Variants in SFMBT2 observed in about 807,000 individuals in gnomAD.
SFMBT2 encodes scm-like with four MBT domains protein 2.
In SFMBT2, 38 loss-of-function variants were observed where a neutral mutation model predicts 110.1. The observed-to-expected ratio is 0.35, with a 90% CI of 0.27 to 0.45. The LOEUF (loss-of-function observed/expected upper bound fraction) is 0.45. Among genes scored for constraint, SFMBT2 ranks in the 20% least tolerant of loss-of-function variants. SFMBT2 has a pLI of 1.00. For synonymous variants in SFMBT2, 425 were observed against 425.4 expected, an observed-to-expected ratio of 1.00 and a Z score of 0.01; for missense variants, 1,011 against 1,094.9, an observed-to-expected ratio of 0.92 and a Z score of 1.08.
chr10:7,251,803 T>C (rs1290306013), intron 7 of SFMBT2, among the ~76,000 whole-genome samples: 1 of 152,264 alleles, frequency 6.6e-6, no homozygotes, highest in East Asian at 1.9e-4. Flanking sequence ...CCTTTCCTCC[T>C]GCAGCCTGCC....
chr10:7,202,429 AC>A (rs775880801), intron 13 of SFMBT2, 50 bp downstream of exon 13: 33 of 1,611,368 alleles, frequency 2.0e-5, no homozygotes, highest in Non-Finnish European at 2.8e-5. Context: ...CCATAAAGAC[AC>A]TACAGTTTAT....
At chr10:7,261,534 G>A (rs148508832) in intron 7 of SFMBT2, among the ~76,000 whole-genome samples, 364 of 152,282 alleles carry the variant, frequency 2.4e-3, no homozygotes, top group African/African-American at 8.3e-3. Flanking sequence ...TCCCTTTGCC[G>A]GGTGGGGGTT....
At chr10:7,286,542 A>G (rs775681462) in intron 4 of SFMBT2, 1 of 161,268 alleles carries the variant, frequency 6.2e-6, no homozygotes, top group Non-Finnish European at 1.3e-5. Context: ...AATAAAATGC[A>G]TCTTTACTGA....
chr10:7,405,462 A>T (rs1007369004), intron 1 of SFMBT2, among the ~76,000 whole-genome samples: 1 of 152,198 alleles, frequency 6.6e-6, no homozygotes, highest in Admixed American at 6.5e-5. Flanking sequence ...AGATGAAAAC[A>T]CGACCCCATG....
At position 7,358,287 on chromosome 10, in the gene SFMBT2, A is replaced by G. The variant is rs566805810; in HGVS notation, c.436+9362T>C. Among the ~76,000 whole-genome samples, 5 of 150,578 alleles carry G rather than the reference A, an allele frequency of 3.3e-5. No homozygotes were observed. In the East Asian group the frequency reaches 9.8e-4, roughly 30 times the overall value. ...GGCCCTGTGACATCAACATGGCCCT[A>G]GAACATCTGCATGGCCATGGAACAT... On this transcript the variant is annotated intron_variant, in intron 4 of 20. Transcript: ENST00000397167.
intron 4 of SFMBT2, among the ~76,000 whole-genome samples, chr10:7,339,059 G>C (rs919390767): frequency 1.3e-5 from 2 of 152,046 alleles, no homozygotes; most frequent in South Asian, 2.1e-4. Flanking sequence ...GGCCAACACG[G>C]CAAAACCCCG....
intron 15 of SFMBT2, among the ~76,000 whole-genome samples, chr10:7,196,157 A>C (rs1202841374): frequency 1.3e-5 from 2 of 151,936 alleles, no homozygotes; most frequent in Non-Finnish European, 2.9e-5. Flanking sequence ...AGGGTGCCCT[A>C]TCCATAGATT....
chr10:7,324,665 G>A (rs938536662), intron 4 of SFMBT2, among the ~76,000 whole-genome samples: 4 of 152,334 alleles, frequency 2.6e-5, no homozygotes, highest in Admixed American at 2.6e-4. Context: ...CATCAGAAAA[G>A]CATAGACTGG....
chr10:7,273,871 C>A (rs1176670012), intron 7 of SFMBT2, among the ~76,000 whole-genome samples: 2 of 152,168 alleles, frequency 1.3e-5, no homozygotes, highest in Non-Finnish European at 2.9e-5. Context: ...GACAGTGTGG[C>A]GAGTCCTCAA....
chr10:7,287,445 AG>A (rs1436067178), intron 4 of SFMBT2: 1 of 244,022 alleles, frequency 4.1e-6, no homozygotes, highest in Non-Finnish European at 6.6e-6. Flanking sequence ...TTAGAACCCA[AG>A]ACCTGAGGAA....
At chr10:7,327,088 A>T (rs1164736225) in intron 4 of SFMBT2, among the ~76,000 whole-genome samples, 1 of 143,974 alleles carries the variant, frequency 6.9e-6, no homozygotes, top group African/African-American at 2.6e-5. Context: ...CCTTCATGTC[A>T]CTCTAATTTG....
intron 11 of SFMBT2, among the ~76,000 whole-genome samples, chr10:7,216,078 G>C (rs1008634830): frequency 6.6e-6 from 1 of 152,186 alleles, no homozygotes; most frequent in East Asian, 1.9e-4. Context: ...TTTTAGAAAT[G>C]GGGAAACCAG....
At chr10:7,210,934 G>A (rs1225340442) in intron 11 of SFMBT2, among the ~76,000 whole-genome samples, 1 of 152,082 alleles carries the variant, frequency 6.6e-6, no homozygotes, top group Non-Finnish European at 1.5e-5. Flanking sequence ...GGTGTGGGGA[G>A]GGGAGAGAGG....
At chr10:7,353,437 C>T (rs1024536164) in intron 4 of SFMBT2, among the ~76,000 whole-genome samples, 5 of 148,536 alleles carry the variant, frequency 3.4e-5, no homozygotes. Context: ...AGCAAATGCT[C>T]AATTATGATA....
chr10:7,256,253 C>T (rs538415806), intron 7 of SFMBT2, among the ~76,000 whole-genome samples: 18 of 152,210 alleles, frequency 1.2e-4, no homozygotes, highest in African/African-American at 3.1e-4. Flanking sequence ...TAACAGACCA[C>T]GGAACAAAGA....
intron 16 of SFMBT2, among the ~76,000 whole-genome samples, chr10:7,186,765 T>C (rs1299456627): frequency 3.3e-5 from 5 of 152,154 alleles, no homozygotes; most frequent in Non-Finnish European, 5.9e-5. Context: ...TCTAAAAAGT[T>C]GTCATTTCAC....
At chr10:7,399,921 C>T (rs998618248) in intron 1 of SFMBT2, among the ~76,000 whole-genome samples, 8 of 152,170 alleles carry the variant, frequency 5.3e-5, no homozygotes, top group African/African-American at 1.9e-4. Flanking sequence ...GGAACAGAGA[C>T]TGAAAGAAGG....
At chr10:7,390,622 A>G (rs1335868640) in intron 1 of SFMBT2, among the ~76,000 whole-genome samples, 2 of 152,236 alleles carry the variant, frequency 1.3e-5, no homozygotes, top group African/African-American at 2.4e-5. Context: ...CTATAAAGAA[A>G]AAAAAGTCCA....
At chr10:7,216,125 G>A (rs1236770680) in intron 11 of SFMBT2, among the ~76,000 whole-genome samples, 1 of 152,244 alleles carries the variant, frequency 6.6e-6, no homozygotes, top group African/African-American at 2.4e-5. Flanking sequence ...AGGGCCACCA[G>A]GAGCCTGCGT....
Sources: allele counts gnomAD v4.1 joint callset (sites outside exome capture counted in the v4.1 genomes callset), GRCh38; gene constraint gnomAD v4.1.1; transcripts MANE v1.5; gene names NCBI Gene and HGNC (gene_info 2026-07-23, HGNC 2026-07-21).